The following INPP4B variants were observed in gnomAD, a reference collection of about 807,000 sequenced individuals.
INPP4B encodes the protein inositol polyphosphate 4-phosphatase type II.
A neutral mutation model predicts 122.5 loss-of-function variants in INPP4B; 55 were observed. The ratio of observed to expected loss-of-function variants is 0.45; its 90% CI spans 0.36 to 0.56. The LOEUF is 0.56. INPP4B is among the 20% of genes least tolerant of loss of function. INPP4B has a pLI of 0.00. For synonymous variants in INPP4B, 403 were observed against 388.7 expected (o/e 1.04, Z -0.43); for missense variants, 1,000 against 1,097.7 (o/e 0.91, Z 1.26).
In INPP4B at chr4:142,069,862, A is replaced by T. The variant is rs561898618; in HGVS notation, c.2642+12169T>A. ...AATTAATAGCCTACCAACCAAAAAA[A>T]GTCCAGGACCAGATGTATTCACAGC... On this transcript the variant is annotated intron_variant, in intron 25 of 25. Transcript: ENST00000262992. 5.9e-5 allele frequency among the ~76,000 whole-genome samples: 9 copies of T among 152,342 alleles called. No individual in the cohort carries two copies. In the East Asian group the frequency reaches 1.7e-3, roughly 29 times the overall value.
intron 7 of INPP4B, among the ~76,000 whole-genome samples, chr4:142,401,276 C>T (rs1282145990): frequency 6.6e-6 from 1 of 152,024 alleles, no homozygotes; most frequent in Non-Finnish European, 1.5e-5. Context: ...AAAACAGCAA[C>T]AAAAAACCGT....
chr4:142,390,205 G>A (rs942606668), intron 7 of INPP4B, among the ~76,000 whole-genome samples: 1 of 152,104 alleles, frequency 6.6e-6, no homozygotes, highest in Non-Finnish European at 1.5e-5. Flanking sequence ...TTAAATAGTA[G>A]ACTAATGCAA....
At chr4:142,636,863 A>T (rs1027879941) in intron 2 of INPP4B, among the ~76,000 whole-genome samples, 4 of 152,098 alleles carry the variant, frequency 2.6e-5, no homozygotes, top group Admixed American at 1.3e-4. Context: ...TTATAAAATT[A>T]CTTGTAATTA....
intron 2 of INPP4B, among the ~76,000 whole-genome samples, chr4:142,585,723 T>C (rs17016428): frequency 0.014 from 2,137 of 152,140 alleles, 38 homozygotes; most frequent in African/African-American, 0.041. Flanking sequence ...GTGTCCTCCA[T>C]ACTCTAGGGC....
chr4:142,553,489 A>G (rs1351770054), intron 2 of INPP4B, among the ~76,000 whole-genome samples: 2 of 152,210 alleles, frequency 1.3e-5, no homozygotes, highest in Non-Finnish European at 2.9e-5. Context: ...ATTACCCCAC[A>G]TGACAAGCCA....
intron 2 of INPP4B, among the ~76,000 whole-genome samples, chr4:142,611,802 G>T (rs1218632044): frequency 2.0e-5 from 3 of 151,730 alleles, no homozygotes; most frequent in African/African-American, 7.3e-5. Flanking sequence ...CCAAGCAGCT[G>T]GGATTACAGG....
At chr4:142,320,922 T>C (rs1407899483) in intron 7 of INPP4B, among the ~76,000 whole-genome samples, 1 of 152,224 alleles carries the variant, frequency 6.6e-6, no homozygotes, top group African/African-American at 2.4e-5. Context: ...AATTCTGCAT[T>C]ATAAACATGC....
intron 2 of INPP4B, among the ~76,000 whole-genome samples, chr4:142,576,686 C>T (rs913798413): frequency 6.6e-6 from 1 of 151,950 alleles, no homozygotes; most frequent in South Asian, 2.1e-4. Context: ...CTGTAGTTTG[C>T]AATGACACTC....
chr4:142,179,773 T>G (rs1830009372), intron 15 of INPP4B, among the ~76,000 whole-genome samples: 1 of 152,170 alleles, frequency 6.6e-6, no homozygotes, highest in African/African-American at 2.4e-5. Context: ...TATATGACCT[T>G]TAAATAAGCA....
chr4:142,427,527 C>T (rs3775718), intron 5 of INPP4B: 161,962 of 624,524 alleles, frequency 0.26, 24,296 homozygotes, highest in Non-Finnish European at 0.32. Context: ...ACTTGGCTTT[C>T]TAAACAAACA....
chr4:142,801,449 G>C (rs1777998476), intron 1 of INPP4B, among the ~76,000 whole-genome samples: 1 of 152,184 alleles, frequency 6.6e-6, no homozygotes, highest in South Asian at 2.1e-4. Flanking sequence ...AGAGACACCA[G>C]GGTTGCACGT....
Position 142,323,443 on chromosome 4 carries a change from C to CTTTT in INPP4B, c.373-8685_373-8682dup, listed in dbSNP as rs144904107. ...AGGTTCATTATTACGGTTATGATGA[C>CTTTT]TTTTTTTTTTTTTTTTTTTTGAGAC... On this transcript the variant is annotated intron_variant, in intron 7 of 25. Transcript: ENST00000262992. 2.0e-3 allele frequency among the ~76,000 whole-genome samples: 241 copies of CTTTT among 120,032 alleles called. 1 individual carries two copies. Among genetic ancestry groups the CTTTT allele is most frequent in the African/African-American group, 6.4e-3 (208 of 32,346 alleles). 78.7% of individuals were successfully genotyped at this position (120,032 alleles called of 152,430 possible). A position where few individuals can be genotyped will look rare whatever the true frequency, so the allele number is the denominator to read the frequency against.
rs2150565407 is a variant in INPP4B at position 142,270,659 on chromosome 4, C to T, written c.615+4G>A. Reference sequence around the variant, plus strand: ...TTTGTACAATGAGCAGACTGAGATCCTACCTTTTGTCCCTGTACATCTGTG... The same window carrying T: ...TTTGTACAATGAGCAGACTGAGATCTTACCTTTTGTCCCTGTACATCTGTG... On this transcript the variant is annotated splice_donor_region_variant and intron_variant, in intron 10 of 25. Coordinates refer to ENST00000262992, the MANE Select transcript of INPP4B (RefSeq NM_001101669.3). 1.9e-6 allele frequency: 3 copies of T among 1,564,620 alleles called. No homozygotes were observed. Among genetic ancestry groups the T allele is most frequent in the Middle Eastern group, 1.7e-4 (1 of 5,958 alleles).
At chr4:142,485,571 A>G (rs1271408975) in intron 2 of INPP4B, among the ~76,000 whole-genome samples, 1 of 152,166 alleles carries the variant, frequency 6.6e-6, no homozygotes, top group African/African-American at 2.4e-5. Flanking sequence ...CTTCTACTTT[A>G]CGGAAGTAAA....
chr4:142,275,168 C>T (rs1747783898), intron 9 of INPP4B, among the ~76,000 whole-genome samples: 2 of 151,684 alleles, frequency 1.3e-5, no homozygotes, highest in South Asian at 4.1e-4. Context: ...GAATATAAAA[C>T]AGTCTTCTAA....
At chr4:142,164,971 G>GGTAAGTCAGCCCACAAGGGACC (rs1316951603) in intron 16 of INPP4B, among the ~76,000 whole-genome samples, 4 of 151,554 alleles carry the variant, frequency 2.6e-5, no homozygotes, top group African/African-American at 9.7e-5. Context: ...CCCAAAATGT[G>GGTAAGTCAGCCCACAAGGGACC]GTAAGTCAGC....
At chr4:142,258,870 C>T (rs1331114261) in intron 11 of INPP4B, among the ~76,000 whole-genome samples, 2 of 152,062 alleles carry the variant, frequency 1.3e-5, no homozygotes, top group African/African-American at 4.8e-5. Flanking sequence ...ACCCAAAGGA[C>T]TATAAATCAT....
intron 1 of INPP4B, among the ~76,000 whole-genome samples, chr4:142,781,588 T>C (rs1774833226): frequency 6.6e-6 from 1 of 152,160 alleles, no homozygotes; most frequent in Non-Finnish European, 1.5e-5. Flanking sequence ...GTAGAATTAA[T>C]GAAAATTTCC....
At chr4:142,558,022 C>G (rs991311497) in intron 2 of INPP4B, among the ~76,000 whole-genome samples, 2 of 152,214 alleles carry the variant, frequency 1.3e-5, no homozygotes, top group African/African-American at 2.4e-5. Flanking sequence ...ACTTCCTTTG[C>G]AGCTCTTGAC....
Sources: allele counts gnomAD v4.1 joint callset (sites outside exome capture counted in the v4.1 genomes callset), GRCh38; gene constraint gnomAD v4.1.1; transcripts MANE v1.5; gene names NCBI Gene and HGNC (gene_info 2026-07-23, HGNC 2026-07-21).